KIF17: variants seen among roughly 807,000 people sequenced by gnomAD.
KIF17 encodes kinesin family member 17, also known as kinesin-like protein KIF17.
A neutral mutation model predicts 96.8 loss-of-function variants in KIF17; 80 were observed. The ratio of observed to expected loss-of-function variants is 0.83; its 90% CI spans 0.69 to 1.00. KIF17 has a LOEUF of 1.00. KIF17 is among the 50% of genes least tolerant of loss of function. The probability of loss-of-function intolerance (pLI) is 0.00; values close to 1 mark genes in which losing one functional copy is unlikely to be tolerated. For missense variants in KIF17, 1,280 were observed against 1,372.9 expected (o/e 0.93, Z 1.07); for synonymous variants, 567 against 587.5 (o/e 0.97, Z 0.51).
chr1:20,715,390 C>A, intron 2 of KIF17, 103 bp downstream of exon 2: 2 of 1,480,558 alleles, frequency 1.4e-6, no homozygotes, highest in Non-Finnish European at 1.9e-6. Context: ...CTGCACGGGT[C>A]AGGCCGGGCT....
At position 20,715,517 on chromosome 1, in the gene KIF17, G is replaced by T. The variant is rs79832278; in HGVS notation, c.354C>A (p.Phe118Leu). The change falls in exon 2 of 15, where the codon TTC (phenylalanine) becomes TTA (leucine). Residue 118 changes from phenylalanine (F) to leucine (L), a missense_variant. Phe to Leu is a conservative substitution (Grantham distance 22). Transcript: ENST00000400463. ...PSQRGIIPRA[F>L]EHVFESVQCA... ...CCTGGACGCTCTCGAACACGTGCTC[G>T]AAGGCCCTGGGGATGATGCCTCTCT... 6.2e-7 allele frequency: 1 copy of T among 1,613,366 alleles called. No individual in the cohort carries two copies. Among genetic ancestry groups the T allele is most frequent in the Non-Finnish European group, 8.5e-7 (1 of 1,180,024 alleles).
At chr1:20,708,268 G>A (rs1307317343) in intron 4 of KIF17, among the ~76,000 whole-genome samples, 1 of 152,152 alleles carries the variant, frequency 6.6e-6, no homozygotes, top group Non-Finnish European at 1.5e-5. Flanking sequence ...ACTGGGGCTT[G>A]GCCCAAGGCC....
intron 2 of KIF17, among the ~76,000 whole-genome samples, chr1:20,714,796 CAAAAAAAAA>C (rs34182653): frequency 9.3e-6 from 1 of 107,662 alleles, no homozygotes; most frequent in African/African-American, 3.8e-5. Flanking sequence ...GACTCCGTCT[CAAAAAAAAA>C]AAAAAAAAAA....
chr1:20,682,641 T>A lies in KIF17; in HGVS notation c.2463+12A>T. The stretch of plus-strand genomic sequence containing the variant: ...GGGCAGCTGGGCATGGGGGGCTGCA[T>A]CTGGGCCTCACCTTCCTCTGCATCT... On this transcript the variant is annotated intron_variant, in intron 11 of 14. Transcript: ENST00000400463. The A allele has an allele frequency of 6.2e-7, 1 of 1,612,986 alleles. No individual in the cohort carries two copies. Among genetic ancestry groups the A allele is most frequent in the Non-Finnish European group, 8.5e-7 (1 of 1,179,216 alleles).
Position 20,664,284 on chromosome 1 carries a change from A to G in KIF17, c.*300T>C, listed in dbSNP as rs1217425580. The stretch of plus-strand genomic sequence containing the variant: ...GGTCTCAGGCTTTGAGGCAAAGACC[A>G]ACACTGGTGGGCATGGGTGTGGGCT... On this transcript the variant is annotated 3_prime_UTR_variant, in exon 15 of 15. Coordinates refer to ENST00000400463, the MANE Select transcript of KIF17 (RefSeq NM_001122819.3). The G allele has an allele frequency of 7.7e-7, 1 of 1,299,104 alleles. No individual in the cohort carries two copies. The highest frequency in any genetic ancestry group is 3.3e-5 in the East Asian group (1 of 30,030). 80.5% of individuals were successfully genotyped at this position (1,299,104 alleles called of 1,614,324 possible).
chr1:20,687,271 C>T lies in KIF17; in HGVS notation c.1938+117G>A, dbSNP rs1289363293. On this transcript the variant is annotated intron_variant, in intron 8 of 14. Transcript: ENST00000400463. The surrounding 1 kb of genome is among the most constrained non-coding windows in gnomAD (Gnocchi z 4.4). ...CAGAGCCGCAGCAGACACAGTGGAG[C>T]CACGGCCTGAGTGTCGGAGGCCATG... 3 of 1,166,426 alleles carry T rather than the reference C, an allele frequency of 2.6e-6. No homozygotes were observed. The African/African-American group carries it at 4.5e-5, about 18-fold the overall frequency. The allele number at this position is 1,166,426 out of a possible 1,614,324, so 72.3% of individuals were successfully genotyped here. A position where few individuals can be genotyped will look rare whatever the true frequency, so the allele number is the denominator to read the frequency against.
rs2054192997 is a variant in KIF17, at chr1:20,699,277, C to T, written c.1124-789G>A. 6.6e-6 allele frequency among the ~76,000 whole-genome samples: 1 copy of T among 152,148 alleles called. No individual in the cohort carries two copies. The highest frequency in any genetic ancestry group is 6.5e-5 in the Admixed American group (1 of 15,274). On this transcript the variant is annotated intron_variant, in intron 5 of 14. Transcript: ENST00000400463. The surrounding 1 kb of genome is among the most constrained non-coding windows in gnomAD (Gnocchi z 4.3). ...GTTGCCATTTAAATAGTGTGTTAGG[C>T]TGGGCACAGTGTCTCATGTCTGTAA...
At position 20,715,526 on chromosome 1, in the gene KIF17, G is replaced by A; in HGVS notation, c.345C>T (p.Pro115=). The A allele has an allele frequency of 2.5e-6, 4 of 1,613,584 alleles. No individual in the cohort carries two copies. The highest frequency in any genetic ancestry group is 3.4e-6 in the Non-Finnish European group (4 of 1,180,032). The stretch of plus-strand genomic sequence containing the variant: ...TCTCGAACACGTGCTCGAAGGCCCT[G>A]GGGATGATGCCTCTCTGGGAGGGCG... The part of the protein sequence containing the change: ...PDPPSQRGII[P]RAFEHVFESV... The change falls in exon 2 of 15, where the codon CCC becomes CCT. Residue 115 remains proline, a synonymous_variant. Transcript: ENST00000400463.
rs1330144121 is a variant in KIF17, at chr1:20,666,309, A to C, written c.2813T>G (p.Met938Arg). 5 of 1,614,022 alleles carry C rather than the reference A, an allele frequency of 3.1e-6. No homozygotes were observed. The highest frequency in any genetic ancestry group is 2.2e-5 in the East Asian group (1 of 44,894). Residue 938 changes from methionine to arginine, a missense_variant, in exon 14 of 15, where the codon ATG becomes AGG. By Grantham distance (91) the Met-to-Arg change is moderately conservative. Transcript: ENST00000400463. ...GTTTTCACTGTTGCTCCGACTGAGC[A>C]TGAGCCTGTAGCGGTCGTCCTCCTG... ...PNMEDDRYRL[M>R]LSRSNSENIA...
chr1:20,703,165 A>AGATGAATG (rs1553151967), intron 5 of KIF17, among the ~76,000 whole-genome samples: 1 of 86,742 alleles, frequency 1.2e-5, no homozygotes, highest in Non-Finnish European at 2.5e-5. Flanking sequence ...GGAAGGATGG[A>AGATGAATG]GATGGATGGA....
intron 5 of KIF17, among the ~76,000 whole-genome samples, chr1:20,703,071 T>C (rs1161611169): frequency 6.6e-6 from 1 of 151,688 alleles, no homozygotes; most frequent in Non-Finnish European, 1.5e-5. Context: ...ATATGGATGG[T>C]AGGGTGGATG....
chr1:20,678,626 AG>A (rs1052392227), intron 11 of KIF17, among the ~76,000 whole-genome samples: 56 of 152,234 alleles, frequency 3.7e-4, no homozygotes, highest in African/African-American at 1.3e-3. Flanking sequence ...TAAACCCCCA[AG>A]TGCAGCAGAC....
chr1:20,690,352 G>GCCCCCA lies in KIF17; in HGVS notation c.1234-18_1234-17insTGGGGG. The GCCCCCA allele has an allele frequency of 1.3e-5, 6 of 451,078 alleles. No individual in the cohort carries two copies. Among genetic ancestry groups the GCCCCCA allele is most frequent in the Non-Finnish European group, 2.1e-5 (5 of 235,076 alleles). 27.9% of individuals were successfully genotyped at this position (451,078 alleles called of 1,614,324 possible). A position where few individuals can be genotyped will look rare whatever the true frequency, so the allele number is the denominator to read the frequency against. ...TTCATACTCCTGGGGGGGTGGGAGG[G>GCCCCCA]ACCAGAGGGCAGGCAGCATTTTATC... On this transcript the variant is annotated splice_polypyrimidine_tract_variant and intron_variant, in intron 6 of 14. Transcript: ENST00000400463.
At chr1:20,690,796 C>T (rs1278118173) in intron 6 of KIF17, among the ~76,000 whole-genome samples, 2 of 151,914 alleles carry the variant, frequency 1.3e-5, no homozygotes, top group Non-Finnish European at 2.9e-5. Context: ...ACACCATTCT[C>T]CTGCCTCAGC....
chr1:20,703,804 A>C (rs1411765185), intron 5 of KIF17, among the ~76,000 whole-genome samples: 2 of 152,184 alleles, frequency 1.3e-5, no homozygotes, highest in East Asian at 3.9e-4. Context: ...GAAAATCTTA[A>C]GAGTCCTTCA....
downstream of KIF17, chr1:20,663,988 C>T: frequency 1.9e-5 from 3 of 161,332 alleles, no homozygotes; most frequent in South Asian, 1.7e-4. Flanking sequence ...CCAAGTGACA[C>T]TGTCAGAGGG....
At chr1:20,706,853 C>T (rs1347650014) in intron 4 of KIF17, among the ~76,000 whole-genome samples, 1 of 149,862 alleles carries the variant, frequency 6.7e-6, no homozygotes, top group Non-Finnish European at 1.5e-5. Flanking sequence ...CATGCCACCG[C>T]ATTCTAGCCT....
In KIF17 at chr1:20,712,600, A is replaced by ATATAGATAATAT. The variant is rs1557606290; in HGVS notation, c.480+853_480+854insATATTATCTATA. On this transcript the variant is annotated intron_variant, in intron 3 of 14. Transcript: ENST00000400463. ...ATATTATCTATATATATATCTATATATATCTATATATATATAATATAGATA... is the reference window on the plus strand; with the variant it reads ...ATATTATCTATATATATATCTATATATATAGATAATATTATCTATATATATATAATATAGATA... Among the ~76,000 whole-genome samples the ATATAGATAATAT allele has an allele frequency of 2.0e-4, 3 of 14,658 alleles. 1 individual carries two copies. The highest frequency in any genetic ancestry group is 6.0e-4 in the Non-Finnish European group (3 of 5,022). The allele number at this position is 14,658 out of a possible 152,430, so 9.6% of individuals were successfully genotyped here. A position where few individuals can be genotyped will look rare whatever the true frequency, so the allele number is the denominator to read the frequency against.
At chr1:20,673,965 GT>G (rs1325617375) in intron 11 of KIF17, among the ~76,000 whole-genome samples, 4 of 152,058 alleles carry the variant, frequency 2.6e-5, no homozygotes, top group Admixed American at 2.0e-4. Flanking sequence ...GTCTCACTCT[GT>G]TGCCCAGGCT....
Sources: allele counts gnomAD v4.1 joint callset (sites outside exome capture counted in the v4.1 genomes callset), GRCh38; gene constraint gnomAD v4.1.1; non-coding constraint Gnocchi (gnomAD v3.1); transcripts MANE v1.5; gene names NCBI Gene and HGNC (gene_info 2026-07-23, HGNC 2026-07-21).